The following CLIC5 variants were observed in gnomAD, a reference collection of about 807,000 sequenced individuals.
The protein encoded by CLIC5 is chloride intracellular channel protein 5.
Under a neutral mutation model 24.7 loss-of-function variants are expected in CLIC5, and 20 were observed. That is an observed-to-expected ratio of 0.81 (90% CI 0.57 to 1.18). The LOEUF is 1.18. CLIC5 is among the 50% of genes most tolerant of loss of function. CLIC5 has a pLI of 0.00. For missense variants in CLIC5, 341 were observed against 326.1 expected (o/e 1.05, Z -0.35); for synonymous variants, 159 against 135.6 (o/e 1.17, Z -1.20).
At chr6:46,106,906 A>C in the CLIC5 span, among the ~76,000 whole-genome samples, 1 of 152,212 alleles carries the variant, frequency 6.6e-6, no homozygotes, top group Admixed American at 6.5e-5. Flanking sequence ...ATGCCTTTTA[A>C]ACTAGTGAGT....
intron 4 of CLIC5, among the ~76,000 whole-genome samples, chr6:45,915,883 G>A (rs151198470): frequency 1.8e-4 from 28 of 152,254 alleles, no homozygotes; most frequent in Middle Eastern, 6.8e-3. Context: ...CAGGGCATCA[G>A]TCACTGCACC....
At chr6:46,024,384 A>G (rs545082258) in intron 1 of CLIC5, among the ~76,000 whole-genome samples, 4 of 152,276 alleles carry the variant, frequency 2.6e-5, no homozygotes, top group Admixed American at 6.5e-5. Context: ...CTGGGATCCA[A>G]TGAGATTCAA....
At chr6:45,937,512 G>A (rs1763981409) in intron 4 of CLIC5, 1 of 152,198 alleles carries the variant, frequency 6.6e-6, no homozygotes, top group African/African-American at 2.4e-5. Flanking sequence ...TAGAAGTGCT[G>A]GGATTCAAAC....
At chr6:46,022,273 G>A (rs1407335405) in intron 1 of CLIC5, among the ~76,000 whole-genome samples, 4 of 152,164 alleles carry the variant, frequency 2.6e-5, no homozygotes, top group Admixed American at 1.3e-4. Flanking sequence ...CACTACCGGA[G>A]TGCAATCACA....
At chr6:46,008,255 A>C (rs1236236898) in intron 1 of CLIC5, among the ~76,000 whole-genome samples, 1 of 152,068 alleles carries the variant, frequency 6.6e-6, no homozygotes, top group Non-Finnish European at 1.5e-5. Flanking sequence ...CACTTGCTTC[A>C]GACAACCCCG....
upstream of CLIC5, among the ~76,000 whole-genome samples, chr6:46,017,810 A>G (rs1294111921): frequency 6.6e-6 from 1 of 152,246 alleles, no homozygotes; most frequent in African/African-American, 2.4e-5. Flanking sequence ...AAGGTCAGGC[A>G]TCTGATAGGC....
At chr6:46,020,389 A>G (rs1424476885), upstream of CLIC5, among the ~76,000 whole-genome samples, 1 of 152,174 alleles carries the variant, frequency 6.6e-6, no homozygotes, top group African/African-American at 2.4e-5. Flanking sequence ...TCAAATGAAC[A>G]TACAACATAT....
intron 5 of CLIC5, chr6:45,913,914 T>C (rs1581725744): frequency 1.4e-6 from 1 of 729,804 alleles, no homozygotes; most frequent in East Asian, 3.4e-5. Context: ...GTGATATGAC[T>C]GTATACAACA....
chr6:45,889,939 G>A (rs1762335627), intron 6 of CLIC5, among the ~76,000 whole-genome samples: 1 of 152,124 alleles, frequency 6.6e-6, no homozygotes, highest in South Asian at 2.1e-4. Flanking sequence ...TTCATAGAAT[G>A]AAACACTATA....
chr6:45,989,846 G>A (rs1765870013), intron 1 of CLIC5, among the ~76,000 whole-genome samples: 1 of 152,178 alleles, frequency 6.6e-6, no homozygotes, highest in Non-Finnish European at 1.5e-5. Context: ...TCAGGACATT[G>A]ATGGCTAAAC....
chr6:45,918,636 C>A (rs990121696), intron 4 of CLIC5, among the ~76,000 whole-genome samples: 7 of 152,224 alleles, frequency 4.6e-5, no homozygotes, highest in Non-Finnish European at 8.8e-5. Context: ...AAAATAAAAA[C>A]CAGGAACCCA....
intron 1 of CLIC5, among the ~76,000 whole-genome samples, chr6:46,058,779 C>T (rs899327298): frequency 3.3e-5 from 5 of 152,078 alleles, no homozygotes; most frequent in Admixed American, 6.6e-5. Flanking sequence ...ATCCCAGATT[C>T]CCTTGCAGCT....
intron 1 of CLIC5, among the ~76,000 whole-genome samples, chr6:46,030,955 A>T (rs910957751): frequency 3.3e-5 from 5 of 152,202 alleles, no homozygotes; most frequent in African/African-American, 1.2e-4. Flanking sequence ...CATTTTAAAC[A>T]TCTGAAGCCC....
chr6:46,076,936 A>G (rs1652901317), intron 1 of CLIC5, among the ~76,000 whole-genome samples: 1 of 152,134 alleles, frequency 6.6e-6, no homozygotes, highest in Non-Finnish European at 1.5e-5. Context: ...CAAGAAATCG[A>G]GACCATCCTG....
upstream of CLIC5, among the ~76,000 whole-genome samples, chr6:46,018,401 T>A (rs1276894412): frequency 3.3e-5 from 5 of 152,176 alleles, no homozygotes; most frequent in Non-Finnish European, 7.4e-5. Context: ...TTTGGACAGA[T>A]CTCTTTCAAT....
the CLIC5 span, among the ~76,000 whole-genome samples, chr6:46,119,861 T>A: frequency 3.3e-5 from 5 of 152,128 alleles, no homozygotes; most frequent in Admixed American, 6.5e-5. Context: ...GAGATGGAAC[T>A]GCAAGGCAGC....
At chr6:46,020,535 C>A (rs866914181), upstream of CLIC5, among the ~76,000 whole-genome samples, 6 of 151,180 alleles carry the variant, frequency 4.0e-5, no homozygotes, top group African/African-American at 7.3e-5. Context: ...GAACAGCCAG[C>A]TAAAACCAAA....
At chr6:46,057,503 C>T (rs1403536437) in intron 1 of CLIC5, among the ~76,000 whole-genome samples, 1 of 152,226 alleles carries the variant, frequency 6.6e-6, no homozygotes, top group African/African-American at 2.4e-5. Context: ...TAGACTAATA[C>T]AGCTTGCTTC....
chr6:46,072,285 G>C (rs1762629326), intron 1 of CLIC5, among the ~76,000 whole-genome samples: 1 of 151,872 alleles, frequency 6.6e-6, no homozygotes, highest in African/African-American at 2.4e-5. Context: ...TGGCTAGGTG[G>C]GGGGAGGGGG....
Sources: gnomAD v4.1 joint callset for allele counts (sites outside exome capture counted in the v4.1 genomes callset) on GRCh38, gnomAD v4.1.1 for gene constraint, MANE v1.5 for transcripts, NCBI Gene and HGNC (gene_info 2026-07-23, HGNC 2026-07-21) for gene names.